Variants in KLHL32 observed in about 807,000 individuals in gnomAD.
The protein encoded by KLHL32 is kelch-like protein 32.
A neutral mutation model predicts 64.8 loss-of-function variants in KLHL32; 35 were observed. That is an observed-to-expected ratio of 0.54 (90% confidence interval 0.41 to 0.72). The LOEUF (loss-of-function observed/expected upper bound fraction) is 0.72. Among genes scored for constraint, KLHL32 ranks in the 30% least tolerant of loss-of-function variants. The probability of loss-of-function intolerance (pLI) is 0.00; values close to 1 mark genes in which losing one functional copy is unlikely to be tolerated. For missense variants in KLHL32, 589 were observed against 768.5 expected, an observed-to-expected ratio of 0.77 and a Z score of 2.76; for synonymous variants, 259 against 281.0, an observed-to-expected ratio of 0.92 and a Z score of 0.78.
At chr6:97,039,572 A>G (rs933323960) in intron 3 of KLHL32, among the ~76,000 whole-genome samples, 1 of 106,940 alleles carries the variant, frequency 9.4e-6, no homozygotes, top group Non-Finnish European at 2.0e-5. Context: ...CTGTAATCCC[A>G]GCACTTTGGG....
chr6:97,039,764 G>A (rs946280493), intron 3 of KLHL32, among the ~76,000 whole-genome samples: 1 of 151,430 alleles, frequency 6.6e-6, no homozygotes, highest in African/African-American at 2.4e-5. Context: ...AGGTTGCAGT[G>A]AGCTGAGATT....
Position 96,993,499 on chromosome 6 carries a change from C to T in KLHL32, c.204+17322C>T, listed in dbSNP as rs187961430. ...CTGTTTGGGTCTTGTTTGCTAATGT[C>T]CCCCCTGCTGGCCGAGCAAGTCAGA... On this transcript the variant is annotated intron_variant, in intron 3 of 10. Coordinates refer to ENST00000369261, the MANE Select transcript of KLHL32 (RefSeq NM_052904.4). Among the ~76,000 whole-genome samples, 349 of 152,280 alleles carry T rather than the reference C, an allele frequency of 2.3e-3. 1 individual carries two copies. Among genetic ancestry groups the T allele is most frequent in the African/African-American group, 7.9e-3 (330 of 41,554 alleles).
chr6:97,091,866 T>A (rs1225517625), intron 6 of KLHL32, among the ~76,000 whole-genome samples: 1 of 152,196 alleles, frequency 6.6e-6, no homozygotes, highest in African/African-American at 2.4e-5. Flanking sequence ...TGTGTTCATG[T>A]TTTAATATTT....
intron 1 of KLHL32, among the ~76,000 whole-genome samples, chr6:96,928,124 A>G (rs1366191129): frequency 6.6e-6 from 1 of 152,224 alleles, no homozygotes; most frequent in Non-Finnish European, 1.5e-5. Context: ...TAAATGTTAC[A>G]ATGGAAATAT....
intron 10 of KLHL32, among the ~76,000 whole-genome samples, chr6:97,138,102 A>G (rs1051753902): frequency 8.5e-5 from 13 of 152,368 alleles, no homozygotes; most frequent in African/African-American, 2.6e-4. Flanking sequence ...GATCAAGATG[A>G]TAACTGCAGA....
intron 1 of KLHL32, among the ~76,000 whole-genome samples, chr6:96,953,288 T>C (rs1245163931): frequency 6.6e-6 from 1 of 151,968 alleles, no homozygotes; most frequent in African/African-American, 2.4e-5. Flanking sequence ...TTGCCAGTCT[T>C]GGTTTTTGAT....
chr6:97,059,439 A>G (rs1346917663), intron 4 of KLHL32, among the ~76,000 whole-genome samples: 1 of 152,236 alleles, frequency 6.6e-6, no homozygotes, highest in Non-Finnish European at 1.5e-5. Flanking sequence ...ACTGAATTCT[A>G]GCCAGTATTG....
rs533690953 is a variant in KLHL32, at chr6:96,940,682, A to T, written c.-66+15656A>T. ...AACTGGTAGAACAGATAATAAGCTG[A>T]GTTACAGAAAACAGGCAAATGAACA... On this transcript the variant is annotated intron_variant, in intron 1 of 10. Coordinates refer to ENST00000369261, the MANE Select transcript of KLHL32 (RefSeq NM_052904.4). Among the ~76,000 whole-genome samples the T allele has an allele frequency of 1.4e-3, 218 of 152,364 alleles. 1 individual carries two copies. The highest frequency in any genetic ancestry group is 5.2e-3 in the African/African-American group (215 of 41,584).
chr6:96,967,474 T>G (rs62413877), intron 2 of KLHL32, among the ~76,000 whole-genome samples: 23,261 of 150,576 alleles, frequency 0.15, 1,922 homozygotes, highest in Middle Eastern at 0.23. Context: ...TATATATATA[T>G]AGAGAGAGAG....
intron 1 of KLHL32, among the ~76,000 whole-genome samples, chr6:96,946,623 A>G (rs1367158788): frequency 5.9e-5 from 9 of 152,214 alleles, no homozygotes; most frequent in South Asian, 2.1e-4. Context: ...ATTTTATAAT[A>G]TTGATAATTG....
Position 96,983,044 on chromosome 6 carries a change from G to C in KLHL32, c.204+6867G>C, listed in dbSNP as rs544001104. Among the ~76,000 whole-genome samples, 21 of 152,304 alleles carry C rather than the reference G, an allele frequency of 1.4e-4. No homozygotes were observed. The South Asian group carries it at 2.7e-3, about 20-fold the overall frequency. On this transcript the variant is annotated intron_variant, in intron 3 of 10. Transcript: ENST00000369261. Reference sequence around the variant, plus strand: ...TGATAGATAGCTCTTATTGTTTTGAGATACGTCCCATCAATACCTAATTTG... The same window carrying C: ...TGATAGATAGCTCTTATTGTTTTGACATACGTCCCATCAATACCTAATTTG...
chr6:97,111,633 A>ACTTTTTTTACCTT (rs1797160895), intron 6 of KLHL32, among the ~76,000 whole-genome samples: 1 of 152,244 alleles, frequency 6.6e-6, no homozygotes, highest in Admixed American at 6.5e-5. Context: ...GTTATGGTAC[A>ACTTTTTTTACCTT]CCTTCTTTTA....
chr6:97,085,206 C>G lies in KLHL32; in HGVS notation c.492C>G (p.Ile164Met), dbSNP rs540575368. The change falls in exon 6 of 11, where the codon ATC (isoleucine) becomes ATG (methionine). Residue 164 changes from isoleucine (I) to methionine (M), a missense_variant. Around this residue, in one of 3 missense-constraint regions of KLHL32, gnomAD observed 191 missense variants for 223.3 expected, o/e 0.86. Coordinates refer to ENST00000369261, the MANE Select transcript of KLHL32 (RefSeq NM_052904.4). ...FNLTLLEKAV[I>M]DFLVKHLSEL... ...TCACTTTGTTGGAGAAGGCAGTGAT[C>G]GATTTCTTAGTGAAACATCTCTCTG... 2 of 1,613,920 alleles carry G rather than the reference C, an allele frequency of 1.2e-6. No individual in the cohort carries two copies. The highest frequency in any genetic ancestry group is 4.5e-5 in the East Asian group (2 of 44,868).
chr6:97,066,680 A>G (rs1190636140), intron 5 of KLHL32, among the ~76,000 whole-genome samples: 1 of 152,148 alleles, frequency 6.6e-6, no homozygotes, highest in African/African-American at 2.4e-5. Flanking sequence ...CGACGTAGAA[A>G]CCTTCCTTAT....
intron 1 of KLHL32, among the ~76,000 whole-genome samples, chr6:96,947,180 G>A (rs945056314): frequency 6.6e-6 from 1 of 152,056 alleles, no homozygotes; most frequent in Non-Finnish European, 1.5e-5. Context: ...CACTAACTGG[G>A]GACTTTCCAC....
intron 5 of KLHL32, among the ~76,000 whole-genome samples, chr6:97,080,238 G>A (rs969335482): frequency 1.1e-4 from 17 of 152,134 alleles, no homozygotes; most frequent in Admixed American, 4.6e-4. Flanking sequence ...TTGTGTGTAC[G>A]TGTCAGAAGG....
intron 3 of KLHL32, among the ~76,000 whole-genome samples, chr6:97,013,010 G>T (rs1369240344): frequency 6.6e-6 from 1 of 152,134 alleles, no homozygotes; most frequent in Non-Finnish European, 1.5e-5. Flanking sequence ...GCCTCTAAAT[G>T]GTGTTTGGTC....
intron 6 of KLHL32, among the ~76,000 whole-genome samples, chr6:97,090,878 G>A (rs941004538): frequency 3.3e-5 from 5 of 152,234 alleles, no homozygotes; most frequent in African/African-American, 9.6e-5. Context: ...ATACTCAGGC[G>A]ATGGGCACAG....
At chr6:97,022,861 G>A (rs1782202642) in intron 3 of KLHL32, among the ~76,000 whole-genome samples, 2 of 152,198 alleles carry the variant, frequency 1.3e-5, no homozygotes, top group Admixed American at 1.3e-4. Flanking sequence ...ATAAAGGAAA[G>A]AGTTTTAATT....
Sources: gnomAD v4.1 joint callset for allele counts (sites outside exome capture counted in the v4.1 genomes callset) on GRCh38, gnomAD v4.1.1 for gene constraint, gnomAD v4.1.1 regional missense constraint, MANE v1.5 for transcripts, NCBI Gene and HGNC (gene_info 2026-07-23, HGNC 2026-07-21) for gene names.